IFT81: variants seen among roughly 807,000 people sequenced by gnomAD.
IFT81 encodes the protein intraflagellar transport 81.
In IFT81, 72 loss-of-function variants were observed where a neutral mutation model predicts 102.6. The observed-to-expected ratio is 0.70, with a 90% CI of 0.58 to 0.85. The LOEUF (loss-of-function observed/expected upper bound fraction) is 0.85. Ranked by LOEUF, IFT81 falls within the 40% of genes least tolerant of loss-of-function variation. The probability of loss-of-function intolerance (pLI) is 0.00; values close to 1 mark genes in which losing one functional copy is unlikely to be tolerated. For synonymous variants in IFT81, 237 were observed against 242.7 expected, an observed-to-expected ratio of 0.98 and a Z score of 0.22; for missense variants, 723 against 787.3, an observed-to-expected ratio of 0.92 and a Z score of 0.98.
At position 110,157,909 on chromosome 12, in the gene IFT81, T is replaced by G. The variant is rs34192284; in HGVS notation, c.1042-5010T>G. ...GGTTTTCCCTGTATTGGCATTTCTA[T>G]TTTGTTAATACATTGTTTTCTTGAT... On this transcript the variant is annotated intron_variant, in intron 10 of 18. Coordinates refer to ENST00000242591, the MANE Select transcript of IFT81 (RefSeq NM_014055.4). 4.4e-3 allele frequency among the ~76,000 whole-genome samples: 676 copies of G among 152,326 alleles called. 10 individuals are homozygous for G. The highest frequency in any genetic ancestry group is 0.028 in the South Asian group (134 of 4,828).
chr12:110,216,817 T>C (rs1398501534), intron 18 of IFT81: 1 of 325,120 alleles, frequency 3.1e-6, no homozygotes, highest in Non-Finnish European at 6.0e-6. Context: ...ACTCCAAGCA[T>C]ACCTGACATA....
At chr12:110,190,261 C>T (rs1303752779) in intron 12 of IFT81, among the ~76,000 whole-genome samples, 1 of 152,160 alleles carries the variant, frequency 6.6e-6, no homozygotes, top group Non-Finnish European at 1.5e-5. Flanking sequence ...ACCCCTCCTT[C>T]ACCCCCACCT....
At chr12:110,178,719 A>C (rs995445304) in intron 11 of IFT81, among the ~76,000 whole-genome samples, 3 of 94,152 alleles carry the variant, frequency 3.2e-5, no homozygotes, top group African/African-American at 8.1e-5. Flanking sequence ...GGGTTCAAGC[A>C]ATTCTCCTGC....
chr12:110,175,825 T>C (rs1053193722), intron 11 of IFT81, among the ~76,000 whole-genome samples: 3 of 152,216 alleles, frequency 2.0e-5, no homozygotes, highest in Non-Finnish European at 4.4e-5. Flanking sequence ...TATTTATTTA[T>C]TTATTTTTAG....
chr12:110,190,599 A>C (rs1219615039), intron 12 of IFT81, among the ~76,000 whole-genome samples: 1 of 152,186 alleles, frequency 6.6e-6, no homozygotes, highest in African/African-American at 2.4e-5. Flanking sequence ...ATGAGTGAAC[A>C]TATCATTTGA....
intron 8 of IFT81, 74 bp downstream of exon 8, chr12:110,136,934 A>G (rs1894547766): frequency 3.4e-6 from 3 of 891,148 alleles, no homozygotes; most frequent in Admixed American, 2.4e-5. Flanking sequence ...TAAAAAATCA[A>G]TTTGTGAGAA....
chr12:110,161,137 T>C (rs1896110093), intron 10 of IFT81, among the ~76,000 whole-genome samples: 1 of 150,408 alleles, frequency 6.6e-6, no homozygotes, highest in Non-Finnish European at 1.5e-5. Context: ...TTCACCACTT[T>C]TTTTTTTTTT....
chr12:110,130,590 G>A (rs966963171), intron 4 of IFT81, among the ~76,000 whole-genome samples: 4 of 151,968 alleles, frequency 2.6e-5, no homozygotes, highest in East Asian at 3.9e-4. Flanking sequence ...GGCTGGTCTC[G>A]AACCCCTGAC....
At chr12:110,183,026 G>A (rs369427223) in intron 12 of IFT81, among the ~76,000 whole-genome samples, 51 of 152,290 alleles carry the variant, frequency 3.3e-4, no homozygotes, top group African/African-American at 8.4e-4. Context: ...GGGGCCTTAC[G>A]TTTAAGACAC....
At chr12:110,179,373 T>G (rs1897185749) in intron 11 of IFT81, among the ~76,000 whole-genome samples, 1 of 152,054 alleles carries the variant, frequency 6.6e-6, no homozygotes, top group Non-Finnish European at 1.5e-5. Flanking sequence ...TGTCTTTCTG[T>G]TTTCCTAATC....
chr12:110,158,714 C>T (rs576418714), intron 10 of IFT81, among the ~76,000 whole-genome samples: 81 of 152,154 alleles, frequency 5.3e-4, no homozygotes, highest in African/African-American at 1.7e-3. Context: ...CTCAGCCTCC[C>T]GAGCAGCTGG....
chr12:110,201,080 C>A (rs1475207370), intron 14 of IFT81, among the ~76,000 whole-genome samples: 1 of 151,852 alleles, frequency 6.6e-6, no homozygotes, highest in Non-Finnish European at 1.5e-5. Flanking sequence ...TTCTTTATAT[C>A]CTTCTTTTAT....
At chr12:110,163,825 A>G (rs777115738) in intron 11 of IFT81, among the ~76,000 whole-genome samples, 52 of 150,294 alleles carry the variant, frequency 3.5e-4, no homozygotes, top group South Asian at 4.2e-4. Flanking sequence ...CAGGTTGGTC[A>G]GGCTGGTCTC....
intron 17 of IFT81, among the ~76,000 whole-genome samples, chr12:110,206,435 A>T (rs1407463677): frequency 2.0e-5 from 3 of 152,184 alleles, no homozygotes; most frequent in Non-Finnish European, 4.4e-5. Flanking sequence ...TGCTATTACT[A>T]TTCAGTAAAA....
chr12:110,151,559 GTTTATA>G (rs1895528695), intron 10 of IFT81, among the ~76,000 whole-genome samples: 2 of 152,036 alleles, frequency 1.3e-5, no homozygotes, highest in African/African-American at 4.8e-5. Context: ...AATACAAATT[GTTTATA>G]TTTATGGTAT....
intron 18 of IFT81, among the ~76,000 whole-genome samples, chr12:110,212,814 G>T (rs1869628081): frequency 6.6e-6 from 1 of 151,752 alleles, no homozygotes; most frequent in South Asian, 2.1e-4. Context: ...TCCAGCCTGG[G>T]AAACAAGAGC....
At chr12:110,140,872 T>C (rs1894847872) in intron 8 of IFT81, among the ~76,000 whole-genome samples, 1 of 149,588 alleles carries the variant, frequency 6.7e-6, no homozygotes, top group African/African-American at 2.5e-5. Flanking sequence ...TACAGGCATA[T>C]GCCACCACGC....
At position 110,180,549 on chromosome 12, in the gene IFT81, A is replaced by T. The variant is rs770365523; in HGVS notation, c.1316A>T (p.His439Leu). 7 of 1,605,552 alleles carry T rather than the reference A, an allele frequency of 4.4e-6. No homozygotes were observed. The East Asian group carries it at 1.1e-4, about 26-fold the overall frequency. Reference protein sequence around the residue: ...QRTEELLKQRHENIQQQLQTM... With the variant: ...QRTEELLKQRLENIQQQLQTM... The stretch of plus-strand genomic sequence containing the variant: ...ACTGAAGAACTTCTTAAGCAACGTC[A>T]TGAAAATATTCAACAACAACTGGTA... Residue 439 changes from histidine to leucine, a missense_variant, in exon 12 of 19, where the codon CAT becomes CTT. By Grantham distance (99) the His-to-Leu change is moderately conservative. Coordinates refer to ENST00000242591, the MANE Select transcript of IFT81 (RefSeq NM_014055.4).
At chr12:110,193,196 T>G (rs1897870889) in intron 14 of IFT81, among the ~76,000 whole-genome samples, 1 of 152,092 alleles carries the variant, frequency 6.6e-6, no homozygotes, top group African/African-American at 2.4e-5. Context: ...TTGCAAGGGT[T>G]TTTGTTTAAT....
Sources: allele counts gnomAD v4.1 joint callset (sites outside exome capture counted in the v4.1 genomes callset), GRCh38; gene constraint gnomAD v4.1.1; transcripts MANE v1.5; gene names NCBI Gene and HGNC (gene_info 2026-07-23, HGNC 2026-07-21).